The following JADE1 variants were observed in gnomAD, a reference collection of about 807,000 sequenced individuals.
JADE1 encodes the protein jade family PHD finger 1.
In JADE1, 14 loss-of-function variants were observed where a neutral mutation model predicts 81.8. That is an observed-to-expected ratio of 0.17 (90% CI 0.11 to 0.27). The LOEUF (loss-of-function observed/expected upper bound fraction) is 0.27. Among genes scored for constraint, JADE1 ranks in the 10% least tolerant of loss-of-function variants. JADE1 has a pLI of 1.00. For synonymous variants in JADE1, 353 were observed against 391.9 expected (o/e 0.90, Z 1.17); for missense variants, 690 against 1,047.9 (o/e 0.66, Z 4.71).
intron 1 of JADE1, among the ~76,000 whole-genome samples, chr4:128,812,367 A>G (rs1461843775): frequency 6.6e-6 from 1 of 150,458 alleles, no homozygotes; most frequent in Non-Finnish European, 1.5e-5. Flanking sequence ...GGCCCTGCGC[A>G]TTCCCCGGCG....
chr4:128,868,623 G>A (rs560585143), intron 10 of JADE1, among the ~76,000 whole-genome samples: 7 of 152,290 alleles, frequency 4.6e-5, no homozygotes, highest in African/African-American at 1.4e-4. Flanking sequence ...GGGAGATCAA[G>A]GGCAAAGATC....
intron 1 of JADE1, among the ~76,000 whole-genome samples, chr4:128,818,901 G>T (rs2125796823): frequency 6.6e-6 from 1 of 152,270 alleles, no homozygotes; most frequent in Middle Eastern, 3.4e-3. Flanking sequence ...GTCCAGGCTG[G>T]AGTGCAGTGG....
At chr4:128,826,100 C>T (rs183331339) in intron 1 of JADE1, among the ~76,000 whole-genome samples, 3,411 of 152,336 alleles carry the variant, frequency 0.022, 110 homozygotes, top group African/African-American at 0.074. Flanking sequence ...TCTTTTGTCT[C>T]TGTAGCTATT....
rs143009748 is a variant in JADE1 at position 128,851,821 on chromosome 4, G to A, written c.485-236G>A. Among the ~76,000 whole-genome samples, 17 of 152,222 alleles carry A rather than the reference G, an allele frequency of 1.1e-4. No homozygotes were observed. The East Asian group carries it at 1.4e-3, about 12-fold the overall frequency. ...TGGGACTACAGGTGTGTGCCACCAC[G>A]TCTGGCTAATTTTCATATTTTTTGT... On this transcript the variant is annotated intron_variant, in intron 5 of 10. Coordinates refer to ENST00000226319, the MANE Select transcript of JADE1 (RefSeq NM_199320.4).
rs1253344905 is a variant in JADE1 at position 128,862,907 on chromosome 4, TG to T, written c.1503+683del. On this transcript the variant is annotated intron_variant, in intron 9 of 10. Coordinates refer to ENST00000226319, the MANE Select transcript of JADE1 (RefSeq NM_199320.4). The stretch of plus-strand genomic sequence containing the variant: ...TCATCACTGAGGCTGTGTGTGTGTG[TG>T]TGTGTGCGCGTGCCCGTGTCCATCC... The T allele has an allele frequency of 3.3e-4, 330 of 987,588 alleles. 2 individuals are homozygous for T. The East Asian group carries it at 0.013, about 38-fold the overall frequency. 61.2% of individuals were successfully genotyped at this position (987,588 alleles called of 1,614,324 possible).
At chr4:128,856,787 C>T (rs1347809602) in intron 7 of JADE1, among the ~76,000 whole-genome samples, 2 of 152,154 alleles carry the variant, frequency 1.3e-5, no homozygotes, top group Non-Finnish European at 2.9e-5. Context: ...GTCTTGGTAG[C>T]ACTGAGTCTC....
chr4:128,872,526 T>A lies in JADE1; in HGVS notation c.*264T>A, dbSNP rs1320582779. 2 of 400,842 alleles carry A rather than the reference T, an allele frequency of 5.0e-6. No homozygotes were observed. The highest frequency in any genetic ancestry group is 9.0e-6 in the Non-Finnish European group (2 of 222,778). The allele number at this position is 400,842 out of a possible 1,614,324, so 24.8% of individuals were successfully genotyped here. Reference sequence around the variant, plus strand: ...CTAGAACCCGAACTGAACACTAAAATAAAAATGAAATGTTTTAAAGAAGGC... The same window carrying A: ...CTAGAACCCGAACTGAACACTAAAAAAAAAATGAAATGTTTTAAAGAAGGC... On this transcript the variant is annotated 3_prime_UTR_variant, in exon 11 of 11. Coordinates refer to ENST00000226319, the MANE Select transcript of JADE1 (RefSeq NM_199320.4).
rs1406961202 is a variant in JADE1, at chr4:128,872,823, A to G, written c.*561A>G. ...TAAGAAATTTATGTGTAAATATAGC[A>G]GTCAGGGAAGAGAATTTTAAAAAAG... On this transcript the variant is annotated 3_prime_UTR_variant, in exon 11 of 11. Coordinates refer to ENST00000226319, the MANE Select transcript of JADE1 (RefSeq NM_199320.4). 3 of 444,506 alleles carry G rather than the reference A, an allele frequency of 6.7e-6. No homozygotes were observed. In the East Asian group the frequency reaches 2.1e-4, roughly 31 times the overall value. The allele number at this position is 444,506 out of a possible 1,614,324, so 27.5% of individuals were successfully genotyped here.
At chr4:128,831,843 C>T in intron 2 of JADE1, 33 bp downstream of exon 2, 1 of 1,589,118 alleles carries the variant, frequency 6.3e-7, no homozygotes, top group Non-Finnish European at 8.6e-7. Flanking sequence ...TGGAGCCTAC[C>T]AGGGTTTGGG....
At chr4:128,869,954 T>C (rs1732065702) in intron 10 of JADE1, among the ~76,000 whole-genome samples, 1 of 152,074 alleles carries the variant, frequency 6.6e-6, no homozygotes, top group Admixed American at 6.6e-5. Context: ...TCATTTAGGG[T>C]CCATGGTTTA....
At chr4:128,819,494 G>A (rs1168915583) in intron 1 of JADE1, among the ~76,000 whole-genome samples, 1 of 152,212 alleles carries the variant, frequency 6.6e-6, no homozygotes, top group Non-Finnish European at 1.5e-5. Context: ...AAGAAGACCT[G>A]TGTAAGAGGA....
chr4:128,838,000 T>C (rs1437317935), intron 2 of JADE1, among the ~76,000 whole-genome samples: 3 of 152,202 alleles, frequency 2.0e-5, no homozygotes, highest in Non-Finnish European at 4.4e-5. Context: ...CAGTATGTGT[T>C]AGATTTACTC....
intron 2 of JADE1, among the ~76,000 whole-genome samples, chr4:128,839,087 T>A (rs78178774): frequency 0.022 from 3,336 of 151,974 alleles, 105 homozygotes; most frequent in African/African-American, 0.072. Flanking sequence ...CAATGACATT[T>A]AAAAAAAAAT....
At chr4:128,826,782 A>G (rs1728118010) in intron 1 of JADE1, among the ~76,000 whole-genome samples, 1 of 152,168 alleles carries the variant, frequency 6.6e-6, no homozygotes, top group Non-Finnish European at 1.5e-5. Flanking sequence ...ACACACATGA[A>G]ACATTTAAGT....
At chr4:128,860,241 A>T (rs1731207715) in intron 8 of JADE1, among the ~76,000 whole-genome samples, 1 of 152,036 alleles carries the variant, frequency 6.6e-6, no homozygotes, top group Non-Finnish European at 1.5e-5. Context: ...AGCTGATTTC[A>T]TACATTTCTT....
chr4:128,818,202 C>T (rs927117583), intron 1 of JADE1, among the ~76,000 whole-genome samples: 5 of 151,730 alleles, frequency 3.3e-5, no homozygotes, highest in Non-Finnish European at 5.9e-5. Context: ...CTCACTGCAA[C>T]GTCTGTCTCC....
At chr4:128,859,613 G>A (rs947413089) in intron 8 of JADE1, among the ~76,000 whole-genome samples, 3 of 152,194 alleles carry the variant, frequency 2.0e-5, no homozygotes, top group African/African-American at 7.2e-5. Context: ...GTGTAAGTAT[G>A]TGTATGCACG....
chr4:128,851,737 C>T (rs1475414051), intron 5 of JADE1, among the ~76,000 whole-genome samples: 1 of 152,178 alleles, frequency 6.6e-6, no homozygotes, highest in African/African-American at 2.4e-5. Context: ...AGTCATGGCT[C>T]ACTATAGCCC....
intron 2 of JADE1, among the ~76,000 whole-genome samples, chr4:128,835,749 G>A (rs72683610): frequency 2.6e-5 from 4 of 152,194 alleles, no homozygotes; most frequent in Admixed American, 1.3e-4. Context: ...AGCTGCAGAC[G>A]TCAGCATGGG....
Sources: allele counts gnomAD v4.1 joint callset (sites outside exome capture counted in the v4.1 genomes callset), GRCh38; gene constraint gnomAD v4.1.1; transcripts MANE v1.5; gene names NCBI Gene and HGNC (gene_info 2026-07-23, HGNC 2026-07-21).